Variants in GALNT13 observed in about 807,000 individuals in gnomAD.
The protein encoded by GALNT13 is UDP-GalNAc:polypeptide N-acetylgalactosaminyltransferase 13.
In GALNT13, 28 loss-of-function variants were observed where a neutral mutation model predicts 64.2. The observed-to-expected ratio is 0.44, with a 90% CI of 0.32 to 0.60. The LOEUF is 0.60. Ranked by LOEUF, GALNT13 falls within the 20% of genes least tolerant of loss-of-function variation. The pLI is 0.05. For missense variants in GALNT13, 577 were observed against 669.8 expected, an observed-to-expected ratio of 0.86 and a Z score of 1.53; for synonymous variants, 214 against 224.6, an observed-to-expected ratio of 0.95 and a Z score of 0.42.
chr2:154,288,153 G>A (rs115858253), intron 8 of GALNT13, among the ~76,000 whole-genome samples: 65 of 152,270 alleles, frequency 4.3e-4, no homozygotes, highest in African/African-American at 1.4e-3. Context: ...ATCTTACATG[G>A]AGGCAGGAAA....
chr2:153,598,016 C>T, the GALNT13 span, among the ~76,000 whole-genome samples: 1 of 152,012 alleles, frequency 6.6e-6, no homozygotes, highest in East Asian at 1.9e-4. Flanking sequence ...TTTAGAAAAA[C>T]AGCTCCACAG....
intron 3 of GALNT13, among the ~76,000 whole-genome samples, chr2:154,130,753 T>C (rs1166055392): frequency 6.6e-6 from 1 of 152,348 alleles, no homozygotes; most frequent in East Asian, 1.9e-4. Flanking sequence ...TACTCTTTTC[T>C]TTATGACAAA....
At chr2:153,481,769 A>G in the GALNT13 span, among the ~76,000 whole-genome samples, 1 of 152,178 alleles carries the variant, frequency 6.6e-6, no homozygotes, top group Non-Finnish European at 1.5e-5. Context: ...GGTTGCTGTA[A>G]TTTATAGTTT....
the GALNT13 span, among the ~76,000 whole-genome samples, chr2:153,570,485 C>T: frequency 6.6e-6 from 1 of 152,074 alleles, no homozygotes; most frequent in Non-Finnish European, 1.5e-5. Flanking sequence ...TTCATTTGTG[C>T]TTTGGTTGCC....
intron 12 of GALNT13, chr2:154,446,799 G>A (rs1701604716): frequency 6.9e-7 from 1 of 1,453,800 alleles, no homozygotes; most frequent in Non-Finnish European, 9.1e-7. Flanking sequence ...ATTTATTTTA[G>A]CATTTTTGTT....
intron 4 of GALNT13, among the ~76,000 whole-genome samples, chr2:154,179,993 A>G (rs931231379): frequency 6.6e-6 from 1 of 152,158 alleles, no homozygotes; most frequent in Non-Finnish European, 1.5e-5. Flanking sequence ...GCTTGGTTTG[A>G]AAACAAATTT....
the GALNT13 span, among the ~76,000 whole-genome samples, chr2:153,520,240 T>C: frequency 6.6e-6 from 1 of 152,214 alleles, no homozygotes; most frequent in Non-Finnish European, 1.5e-5. Flanking sequence ...TGGATAATTG[T>C]TGCATCTGTT....
chr2:153,325,288 G>A, the GALNT13 span, among the ~76,000 whole-genome samples: 1 of 151,952 alleles, frequency 6.6e-6, no homozygotes, highest in African/African-American at 2.4e-5. Context: ...TGTGCACTGA[G>A]ATGTTTATAA....
chr2:154,238,601 T>C (rs1023710561), intron 4 of GALNT13, among the ~76,000 whole-genome samples: 3 of 152,038 alleles, frequency 2.0e-5, no homozygotes, highest in Non-Finnish European at 2.9e-5. Flanking sequence ...CTTATATAAA[T>C]ATATGCATTT....
At chr2:154,020,064 G>A (rs1297899280) in intron 3 of GALNT13, among the ~76,000 whole-genome samples, 1 of 152,126 alleles carries the variant, frequency 6.6e-6, no homozygotes, top group African/African-American at 2.4e-5. Flanking sequence ...GTATTCCATG[G>A]TATATATGTG....
chr2:153,511,990 A>G, the GALNT13 span, among the ~76,000 whole-genome samples: 1 of 152,156 alleles, frequency 6.6e-6, no homozygotes, highest in South Asian at 2.1e-4. Context: ...TGGAGAAGGC[A>G]CAGTTATTGG....
chr2:154,198,272 A>T (rs778018210), intron 4 of GALNT13, among the ~76,000 whole-genome samples: 1 of 152,064 alleles, frequency 6.6e-6, no homozygotes, highest in African/African-American at 2.4e-5. Context: ...GAGAGAAGGA[A>T]TGCCATCAGA....
At chr2:154,365,551 AT>A (rs1172029131) in intron 9 of GALNT13, among the ~76,000 whole-genome samples, 1 of 152,216 alleles carries the variant, frequency 6.6e-6, no homozygotes, top group African/African-American at 2.4e-5. Flanking sequence ...TCCCAATAAA[AT>A]TAAGATTCAA....
chr2:153,814,465 G>A, the GALNT13 span, among the ~76,000 whole-genome samples: 6 of 148,906 alleles, frequency 4.0e-5, no homozygotes, highest in African/African-American at 1.2e-4. Flanking sequence ...AAGTAAGTAA[G>A]TAAATAAATA....
At chr2:153,569,877 T>G in the GALNT13 span, among the ~76,000 whole-genome samples, 1 of 152,174 alleles carries the variant, frequency 6.6e-6, no homozygotes, top group African/African-American at 2.4e-5. Flanking sequence ...TACGTCCTTC[T>G]GCTCTCTATG....
chr2:153,343,521 T>C, the GALNT13 span, among the ~76,000 whole-genome samples: 1 of 152,050 alleles, frequency 6.6e-6, no homozygotes, highest in East Asian at 1.9e-4. Context: ...ATAAAAAATA[T>C]GTTTATTGTT....
At chr2:153,470,549 T>C in the GALNT13 span, among the ~76,000 whole-genome samples, 1 of 152,008 alleles carries the variant, frequency 6.6e-6, no homozygotes, top group African/African-American at 2.4e-5. Context: ...TTTCTTACCA[T>C]GTGGAGAGAG....
At chr2:153,819,833 A>G in the GALNT13 span, among the ~76,000 whole-genome samples, 1 of 152,212 alleles carries the variant, frequency 6.6e-6, no homozygotes, top group African/African-American at 2.4e-5. Context: ...CAGTATAAGA[A>G]TTATGTTATC....
chr2:153,781,902 G>A, the GALNT13 span, among the ~76,000 whole-genome samples: 49 of 152,114 alleles, frequency 3.2e-4, no homozygotes, highest in Non-Finnish European at 4.6e-4. Flanking sequence ...TGCTGACTTT[G>A]TTTGCTTACT....
Sources: gnomAD v4.1 joint callset for allele counts (sites outside exome capture counted in the v4.1 genomes callset) on GRCh38, gnomAD v4.1.1 for gene constraint, MANE v1.5 for transcripts, NCBI Gene and HGNC (gene_info 2026-07-23, HGNC 2026-07-21) for gene names.